Variants in TMEM220 observed in about 807,000 individuals in gnomAD.
TMEM220 encodes the protein transmembrane protein 220.
Under a neutral mutation model 21.7 loss-of-function variants are expected in TMEM220, and 21 were observed. That is an observed-to-expected ratio of 0.97 (90% CI 0.69 to 1.39). The LOEUF (loss-of-function observed/expected upper bound fraction) is 1.39, where lower values mean the gene tolerates loss of function less well. Among genes scored for constraint, TMEM220 ranks in the 40% most tolerant of loss-of-function variants. TMEM220 has a pLI of 0.00. For missense variants in TMEM220, 191 were observed against 201.9 expected (o/e 0.95, Z 0.33); for synonymous variants, 80 against 73.6 (o/e 1.09, Z -0.45).
At chr17:10,724,929 G>T (rs570768780) in intron 4 of TMEM220, 82 bp downstream of exon 4, 129 of 1,568,560 alleles carry the variant, frequency 8.2e-5, no homozygotes, top group Non-Finnish European at 1.0e-4. Context: ...TTATCATTGT[G>T]CACAGATGAG....
chr17:10,719,474 C>G (rs944232823), intron 5 of TMEM220, among the ~76,000 whole-genome samples: 13 of 152,044 alleles, frequency 8.6e-5, no homozygotes, highest in African/African-American at 3.1e-4. Flanking sequence ...CACCATTTGG[C>G]CAGGCTGGTC....
Position 10,725,133 on chromosome 17 carries a change from A to G in TMEM220, c.165T>C (p.Gly55=). The G allele has an allele frequency of 2.5e-6, 4 of 1,613,964 alleles. No individual in the cohort carries two copies. Among genetic ancestry groups the G allele is most frequent in the Non-Finnish European group, 3.4e-6 (4 of 1,179,908 alleles). The stretch of plus-strand genomic sequence containing the variant: ...CAGAGATACTTTTCCAAATAACATT[A>G]CCTAAAAATAGATGTTCTGATGTTG... The part of the protein sequence containing the change: ...LLVGLNPEVT[G]NVIWKSISAI... Residue 55 remains glycine (G), a splice_region_variant and synonymous_variant, in exon 4 of 6, where the codon GGT becomes GGC. Coordinates refer to ENST00000341871, the MANE Select transcript of TMEM220 (RefSeq NM_001004313.3).
In TMEM220 at chr17:10,715,410, T is replaced by G. The variant is rs770824824; in HGVS notation, c.*43A>C. 1.9e-6 allele frequency: 3 copies of G among 1,547,970 alleles called. No individual in the cohort carries two copies. The highest frequency in any genetic ancestry group is 2.6e-6 in the Non-Finnish European group (3 of 1,148,206). On this transcript the variant is annotated 3_prime_UTR_variant, in exon 6 of 6. Transcript: ENST00000341871. ...TGTTCCCCTAATGTTTATAAAAAAT[T>G]GATTGAAAATATTCATTTTAAAAAC...
In TMEM220 at chr17:10,729,992, G is replaced by A; in HGVS notation, c.-141C>T. ...TCGGTGCCTTGGGGACACTGCCGTG[G>A]CCGTCGCTCCGCCCGGGGGCGGGGA... On this transcript the variant is annotated 5_prime_UTR_variant, in exon 1 of 6. Transcript: ENST00000341871. The A allele has an allele frequency of 9.0e-7, 1 of 1,113,900 alleles. No individual in the cohort carries two copies. The highest frequency in any genetic ancestry group is 1.1e-6 in the Non-Finnish European group (1 of 938,176). 69.0% of individuals were successfully genotyped at this position (1,113,900 alleles called of 1,614,324 possible).
At chr17:10,719,749 C>G (rs77083794) in intron 5 of TMEM220, among the ~76,000 whole-genome samples, 2 of 152,004 alleles carry the variant, frequency 1.3e-5, no homozygotes, top group Non-Finnish European at 2.9e-5. Context: ...GAAAAAACAA[C>G]AACAAAAGAC....
chr17:10,717,043 T>C (rs566674096), intron 5 of TMEM220, among the ~76,000 whole-genome samples: 1 of 152,276 alleles, frequency 6.6e-6, no homozygotes, highest in Non-Finnish European at 1.5e-5. Context: ...CCAGTGATCA[T>C]ACAAAATTCA....
At chr17:10,726,355 A>C in intron 2 of TMEM220, 91 bp from the exon 3 acceptor site, 1 of 1,049,076 alleles carries the variant, frequency 9.5e-7, no homozygotes, top group Non-Finnish European at 1.5e-6. Context: ...GAAAGATGAG[A>C]TCAGTGGCTG....
In TMEM220 at chr17:10,728,092, A is replaced by G. The variant is rs3859234; in HGVS notation, c.102+939T>C. Among the ~76,000 whole-genome samples the G allele has an allele frequency of 0.014, 2,151 of 151,934 alleles. 87 individuals are homozygous for G. In the East Asian group the frequency reaches 0.15, roughly 10 times the overall value. ...GAAGAATCACTCAAACCTGGGAGGT[A>G]GAGGTTGCGGTGAGCCTAGATTGCG... On this transcript the variant is annotated intron_variant, in intron 2 of 5. Transcript: ENST00000341871.
intron 1 of TMEM220, among the ~76,000 whole-genome samples, 161 bp from the exon 2 acceptor site, chr17:10,729,221 G>C (rs2075090637): frequency 6.6e-6 from 1 of 152,170 alleles, no homozygotes; most frequent in Non-Finnish European, 1.5e-5. Flanking sequence ...ATGAGGACGG[G>C]TGAAGGGGTT....
chr17:10,717,454 T>G (rs1483933076), intron 5 of TMEM220, among the ~76,000 whole-genome samples: 1 of 152,232 alleles, frequency 6.6e-6, no homozygotes, highest in African/African-American at 2.4e-5. Flanking sequence ...TTCATTCCAT[T>G]AATGTGGTGG....
At chr17:10,711,333 A>G (rs1042769567), downstream of TMEM220, 5 of 597,332 alleles carry the variant, frequency 8.4e-6, no homozygotes, top group Middle Eastern at 9.1e-4. Flanking sequence ...TGTAAGTTAG[A>G]AACAAACCAG....
At chr17:10,711,838 G>A (rs1037656919), downstream of TMEM220, among the ~76,000 whole-genome samples, 7 of 152,184 alleles carry the variant, frequency 4.6e-5, no homozygotes, top group Non-Finnish European at 8.8e-5. Flanking sequence ...GTTTAACACC[G>A]TTTTCATATA....
At chr17:10,724,189 G>A (rs2075022858) in intron 4 of TMEM220, among the ~76,000 whole-genome samples, 1 of 152,160 alleles carries the variant, frequency 6.6e-6, no homozygotes, top group Non-Finnish European at 1.5e-5. Flanking sequence ...GACAAGGGTG[G>A]GAGGAAGCAA....
chr17:10,728,412 G>A (rs1312386652), intron 2 of TMEM220, among the ~76,000 whole-genome samples: 5 of 149,910 alleles, frequency 3.3e-5, no homozygotes, highest in Non-Finnish European at 5.9e-5. Flanking sequence ...GGGTTCCAGC[G>A]AGTCTCCTGC....
At chr17:10,726,363 C>T in intron 2 of TMEM220, 99 bp from the exon 3 acceptor site, 1 of 959,802 alleles carries the variant, frequency 1.0e-6, no homozygotes, top group Non-Finnish European at 1.7e-6. Context: ...AGATCAGTGG[C>T]TGCTGTGCCC....
chr17:10,722,488 C>A (rs2075004408), intron 5 of TMEM220, among the ~76,000 whole-genome samples: 1 of 152,122 alleles, frequency 6.6e-6, no homozygotes, highest in Non-Finnish European at 1.5e-5. Flanking sequence ...TTTAATGCTA[C>A]CAGTGGTTAC....
rs1173393078 is a variant in TMEM220 at position 10,729,926 on chromosome 17, C to T, written c.-75G>A. ...GTGAGTCCTGCCACGTACGGTCCGC[C>T]TTCCTCCTTGCGCGGAGGGACCGAG... On this transcript the variant is annotated 5_prime_UTR_variant, in exon 1 of 6. Coordinates refer to ENST00000341871, the MANE Select transcript of TMEM220 (RefSeq NM_001004313.3). The T allele has an allele frequency of 8.0e-7, 1 of 1,248,222 alleles. No individual in the cohort carries two copies. The allele number at this position is 1,248,222 out of a possible 1,614,324, so 77.3% of individuals were successfully genotyped here. A position where few individuals can be genotyped will look rare whatever the true frequency, so the allele number is the denominator to read the frequency against.
chr17:10,717,891 G>A (rs1045324312), intron 5 of TMEM220, among the ~76,000 whole-genome samples: 3 of 151,848 alleles, frequency 2.0e-5, no homozygotes, highest in African/African-American at 7.3e-5. Context: ...TGTGATGTCG[G>A]CTCATCGCAA....
chr17:10,727,284 C>T (rs947791929), intron 2 of TMEM220, among the ~76,000 whole-genome samples: 4 of 152,052 alleles, frequency 2.6e-5, no homozygotes, highest in African/African-American at 7.3e-5. Context: ...ACTGGGACTA[C>T]GGATGCCTGC....
Sources: gnomAD v4.1 joint callset for allele counts (sites outside exome capture counted in the v4.1 genomes callset) on GRCh38, gnomAD v4.1.1 for gene constraint, MANE v1.5 for transcripts, NCBI Gene and HGNC (gene_info 2026-07-23, HGNC 2026-07-21) for gene names.